Variants in GFRA1 observed in about 807,000 individuals in gnomAD.
GFRA1 encodes GDNF family receptor alpha 1.
In GFRA1, 16 loss-of-function variants were observed where a neutral mutation model predicts 51.6. That is an observed-to-expected ratio of 0.31 (90% CI 0.21 to 0.47). The LOEUF is 0.47. GFRA1 is among the 20% of genes least tolerant of loss of function. GFRA1 has a pLI of 1.00. For synonymous variants in GFRA1, 270 were observed against 241.3 expected, an observed-to-expected ratio of 1.12 and a Z score of -1.10; for missense variants, 530 against 594.3, an observed-to-expected ratio of 0.89 and a Z score of 1.13.
intron 4 of GFRA1, among the ~76,000 whole-genome samples, chr10:116,239,040 G>A (rs1265592302): frequency 6.6e-6 from 1 of 152,194 alleles, no homozygotes; most frequent in Non-Finnish European, 1.5e-5. Context: ...GAAGCAAATA[G>A]GAACATGCAT....
chr10:116,269,288 C>G (rs1183146122), intron 4 of GFRA1, among the ~76,000 whole-genome samples: 1 of 152,096 alleles, frequency 6.6e-6, no homozygotes, highest in Non-Finnish European at 1.5e-5. Context: ...CTCTTCCAAA[C>G]CACCACACCA....
intron 4 of GFRA1, among the ~76,000 whole-genome samples, chr10:116,221,067 TTAATAA>T (rs759264762): frequency 5.9e-5 from 9 of 152,206 alleles, no homozygotes; most frequent in Non-Finnish European, 1.0e-4. Flanking sequence ...CTTATTAATA[TTAATAA>T]TAACTAATAT....
intron 9 of GFRA1, 68 bp from the exon 10 acceptor site, chr10:116,065,694 T>TAATTA: frequency 7.9e-7 from 1 of 1,265,500 alleles, no homozygotes; most frequent in Non-Finnish European, 1.1e-6. Flanking sequence ...GATCCATCAG[T>TAATTA]CAGCTGTCTA....
intron 4 of GFRA1, among the ~76,000 whole-genome samples, chr10:116,236,960 A>C (rs1966914708): frequency 6.6e-6 from 1 of 152,360 alleles, no homozygotes; most frequent in African/African-American, 2.4e-5. Context: ...AAGAACTTAA[A>C]GTGCATTATC....
intron 4 of GFRA1, among the ~76,000 whole-genome samples, chr10:116,240,292 G>T (rs917699303): frequency 6.6e-6 from 1 of 152,082 alleles, no homozygotes; most frequent in African/African-American, 2.4e-5. Context: ...TGGAAGAGAA[G>T]ACCTCTCAAC....
intron 4 of GFRA1, among the ~76,000 whole-genome samples, chr10:116,228,509 G>A (rs897460101): frequency 6.6e-6 from 1 of 152,136 alleles, no homozygotes; most frequent in East Asian, 1.9e-4. Context: ...TTGCAGATAC[G>A]ATTAAATTAA....
intron 3 of GFRA1, among the ~76,000 whole-genome samples, chr10:116,270,521 T>C (rs745331362): frequency 9.8e-5 from 15 of 152,302 alleles, no homozygotes; most frequent in South Asian, 2.1e-4. Context: ...GTGGGTTCCT[T>C]GGGGCCCTTT....
At chr10:116,067,470 A>G (rs1303634700) in intron 9 of GFRA1, among the ~76,000 whole-genome samples, 1 of 152,204 alleles carries the variant, frequency 6.6e-6, no homozygotes, top group East Asian at 1.9e-4. Context: ...TCGTGGTCAC[A>G]GCCAAGTTGC....
chr10:116,181,895 G>A (rs189636687), intron 5 of GFRA1, among the ~76,000 whole-genome samples: 4,491 of 152,190 alleles, frequency 0.03, 106 homozygotes, highest in African/African-American at 0.067. Context: ...CACCCGCCTC[G>A]GCCTCCCAAA....
At chr10:116,174,491 G>T (rs1961384621) in intron 5 of GFRA1, among the ~76,000 whole-genome samples, 1 of 152,190 alleles carries the variant, frequency 6.6e-6, no homozygotes, top group Non-Finnish European at 1.5e-5. Flanking sequence ...ACTTCAATGT[G>T]TTGTTAGGCA....
chr10:116,084,468 G>A (rs1254369673), intron 9 of GFRA1, among the ~76,000 whole-genome samples: 1 of 152,136 alleles, frequency 6.6e-6, no homozygotes, highest in Non-Finnish European at 1.5e-5. Flanking sequence ...ACTGCCCACA[G>A]CTATCCTCAC....
chr10:116,211,751 C>T, intron 4 of GFRA1, 106 bp from the exon 5 acceptor site: 1 of 901,770 alleles, frequency 1.1e-6, no homozygotes, highest in Non-Finnish European at 1.8e-6. Context: ...CATATGCTGA[C>T]TTTGCTAAGC....
chr10:116,264,883 A>G (rs999782597), intron 4 of GFRA1, among the ~76,000 whole-genome samples: 5 of 152,212 alleles, frequency 3.3e-5, no homozygotes, highest in African/African-American at 7.2e-5. Flanking sequence ...AGCTGAGTGC[A>G]AGAAAAGGAC....
intron 5 of GFRA1, among the ~76,000 whole-genome samples, chr10:116,179,948 G>A (rs925913164): frequency 7.2e-5 from 11 of 152,186 alleles, no homozygotes; most frequent in African/African-American, 2.4e-4. Flanking sequence ...AAATGAAACA[G>A]GGATGCTTGG....
intron 5 of GFRA1, among the ~76,000 whole-genome samples, chr10:116,147,908 T>A (rs1315071233): frequency 6.6e-6 from 1 of 151,702 alleles, no homozygotes; most frequent in African/African-American, 2.4e-5. Context: ...GGTGGCTTTT[T>A]TTTGGAATAC....
rs531446965 is a variant in GFRA1 at position 116,151,246 on chromosome 10, A to T, written c.434-25689T>A. ...TTTCCAGAGACATGCCTAGGTTCTTACTCCTCTCTGTGAATGAAGCAAGTT... is the reference window on the plus strand; with the variant it reads ...TTTCCAGAGACATGCCTAGGTTCTTTCTCCTCTCTGTGAATGAAGCAAGTT... On this transcript the variant is annotated intron_variant, in intron 5 of 10. Coordinates refer to ENST00000355422, the MANE Select transcript of GFRA1 (RefSeq NM_005264.8). Among the ~76,000 whole-genome samples, 5 of 152,160 alleles carry T rather than the reference A, an allele frequency of 3.3e-5. No homozygotes were observed. The South Asian group carries it at 1.0e-3, about 32-fold the overall frequency.
At chr10:116,158,106 C>T (rs1264689256) in intron 5 of GFRA1, among the ~76,000 whole-genome samples, 1 of 152,154 alleles carries the variant, frequency 6.6e-6, no homozygotes, top group Non-Finnish European at 1.5e-5. Flanking sequence ...AGTCCCTGAA[C>T]TGTGTTGATG....
chr10:116,073,894 G>A (rs1955510217), intron 9 of GFRA1, among the ~76,000 whole-genome samples: 1 of 152,260 alleles, frequency 6.6e-6, no homozygotes, highest in Non-Finnish European at 1.5e-5. Context: ...CGGACCAGGG[G>A]CTTTTGTTCA....
At chr10:116,219,576 T>C (rs1373637829) in intron 4 of GFRA1, among the ~76,000 whole-genome samples, 3 of 152,198 alleles carry the variant, frequency 2.0e-5, no homozygotes, top group African/African-American at 4.8e-5. Context: ...CGGAATTCTT[T>C]TGAATCAGCT....
Sources: gnomAD v4.1 joint callset for allele counts (sites outside exome capture counted in the v4.1 genomes callset) on GRCh38, gnomAD v4.1.1 for gene constraint, MANE v1.5 for transcripts, NCBI Gene and HGNC (gene_info 2026-07-23, HGNC 2026-07-21) for gene names.